AUTS2: variants seen among roughly 807,000 people sequenced by gnomAD.
The protein encoded by AUTS2 is activator of transcription and developmental regulator AUTS2, also known as autism susceptibility gene 2 protein.
In AUTS2, 17 loss-of-function variants were observed where a neutral mutation model predicts 112.4. The ratio of observed to expected loss-of-function variants is 0.15; its 90% CI spans 0.10 to 0.23. The LOEUF (loss-of-function observed/expected upper bound fraction) is 0.23, where lower values mean the gene tolerates loss of function less well. Among genes scored for constraint, AUTS2 ranks in the 10% least tolerant of loss-of-function variants. The pLI is 1.00. For synonymous variants in AUTS2, 751 were observed against 702.7 expected (o/e 1.07, Z -1.09); for missense variants, 1,510 against 1,701.6 (o/e 0.89, Z 1.98).
At chr7:70,745,517 T>C (rs1333159386) in intron 6 of AUTS2, among the ~76,000 whole-genome samples, 1 of 152,150 alleles carries the variant, frequency 6.6e-6, no homozygotes, top group Non-Finnish European at 1.5e-5. Flanking sequence ...ATTCCCAGGG[T>C]AGCAGCTGTT....
intron 4 of AUTS2, among the ~76,000 whole-genome samples, chr7:70,215,323 T>C (rs1412904370): frequency 6.6e-6 from 1 of 152,176 alleles, no homozygotes; most frequent in Non-Finnish European, 1.5e-5. Context: ...GTTGTTGTTA[T>C]AGCTGTTCAT....
At chr7:70,200,398 C>A (rs1299186025) in intron 4 of AUTS2, among the ~76,000 whole-genome samples, 1 of 3,430 alleles carries the variant, frequency 2.9e-4, no homozygotes, top group Admixed American at 2.8e-3. Flanking sequence ...CTCAATGAAT[C>A]CAGGAGCTGG....
chr7:70,266,916 G>A (rs1199018124), intron 4 of AUTS2, among the ~76,000 whole-genome samples: 1 of 152,156 alleles, frequency 6.6e-6, no homozygotes, highest in Non-Finnish European at 1.5e-5. Context: ...ACCCGCTTTG[G>A]GCCATGGCCC....
At chr7:69,807,940 C>CTTTTTT (rs34491458) in intron 1 of AUTS2, among the ~76,000 whole-genome samples, 1 of 120,446 alleles carries the variant, frequency 8.3e-6, no homozygotes, top group Non-Finnish European at 1.7e-5. Context: ...TAGGCCCAAG[C>CTTTTTT]TTTTTTTTTT....
intron 4 of AUTS2, among the ~76,000 whole-genome samples, chr7:70,410,863 A>G (rs1794747925): frequency 6.7e-6 from 1 of 149,544 alleles, no homozygotes; most frequent in Admixed American, 6.7e-5. Flanking sequence ...TATTATTATT[A>G]TTATTATTAT....
Position 70,093,094 on chromosome 7 carries a change from G to A in AUTS2, c.523-25038G>A, listed in dbSNP as rs1238091357. 2.0e-5 allele frequency among the ~76,000 whole-genome samples: 3 copies of A among 152,150 alleles called. No individual in the cohort carries two copies. In the East Asian group the frequency reaches 5.8e-4, roughly 29 times the overall value. ...CTGGAGAAACAGGCATGTCTTTGTTGTCAGAGAGCTAGAGGGAAATGAGCA... is the reference window on the plus strand; with the variant it reads ...CTGGAGAAACAGGCATGTCTTTGTTATCAGAGAGCTAGAGGGAAATGAGCA... On this transcript the variant is annotated intron_variant, in intron 2 of 18. Coordinates refer to ENST00000342771, the MANE Select transcript of AUTS2 (RefSeq NM_015570.4).
chr7:69,710,704 A>T (rs1375672179), intron 1 of AUTS2, among the ~76,000 whole-genome samples: 2 of 152,264 alleles, frequency 1.3e-5, no homozygotes, highest in Non-Finnish European at 2.9e-5. Flanking sequence ...CTTTAAGAAG[A>T]TGGCTCGACT....
chr7:69,781,144 C>T (rs1204186981), intron 1 of AUTS2, among the ~76,000 whole-genome samples: 3 of 152,274 alleles, frequency 2.0e-5, no homozygotes, highest in South Asian at 2.1e-4. Flanking sequence ...TGTTTTCTAC[C>T]GTATTAGTCC....
At chr7:70,721,938 G>A (rs77383160) in intron 6 of AUTS2, among the ~76,000 whole-genome samples, 2,672 of 152,040 alleles carry the variant, frequency 0.018, 73 homozygotes, top group African/African-American at 0.061. Flanking sequence ...TCATACCTCC[G>A]AAAGTTAGCT....
intron 5 of AUTS2, among the ~76,000 whole-genome samples, chr7:70,495,878 A>T (rs1381233448): frequency 2.1e-5 from 3 of 140,764 alleles, no homozygotes; most frequent in African/African-American, 8.4e-5. Context: ...CCACACATGC[A>T]CATGTCACAT....
chr7:70,618,405 G>A (rs1804492453), intron 5 of AUTS2, among the ~76,000 whole-genome samples: 1 of 152,120 alleles, frequency 6.6e-6, no homozygotes, highest in African/African-American at 2.4e-5. Context: ...TCCCTGGAGG[G>A]CTCGGCCTGT....
At chr7:70,485,989 AAAAT>A (rs1554409908) in intron 5 of AUTS2, among the ~76,000 whole-genome samples, 1 of 145,668 alleles carries the variant, frequency 6.9e-6, no homozygotes, top group South Asian at 2.2e-4. Context: ...CCTTAATTAA[AAAAT>A]AAATAAATAA....
At chr7:70,638,117 T>C (rs1805619490) in intron 5 of AUTS2, among the ~76,000 whole-genome samples, 1 of 152,130 alleles carries the variant, frequency 6.6e-6, no homozygotes, top group Non-Finnish European at 1.5e-5. Context: ...GGAGAACTTC[T>C]AGAGAGCCAG....
intron 1 of AUTS2, among the ~76,000 whole-genome samples, chr7:69,627,938 T>G (rs1392831840): frequency 6.6e-6 from 1 of 152,222 alleles, no homozygotes; most frequent in African/African-American, 2.4e-5. Context: ...GGTTATGTCA[T>G]TTTTGTGGGA....
intron 2 of AUTS2, among the ~76,000 whole-genome samples, chr7:69,917,789 C>T (rs1169831286): frequency 1.3e-5 from 2 of 152,058 alleles, no homozygotes; most frequent in African/African-American, 4.8e-5. Context: ...AGTCACTTCA[C>T]TTAGAATAAT....
intron 1 of AUTS2, among the ~76,000 whole-genome samples, chr7:69,836,440 C>T (rs750922661): frequency 1.1e-4 from 17 of 152,010 alleles, no homozygotes; most frequent in Non-Finnish European, 1.9e-4. Context: ...TACTATATTC[C>T]GAAGAATTCA....
At chr7:70,160,040 T>A (rs1807990687) in intron 4 of AUTS2, among the ~76,000 whole-genome samples, 1 of 152,146 alleles carries the variant, frequency 6.6e-6, no homozygotes, top group African/African-American at 2.4e-5. Context: ...TTCTACCTAA[T>A]AAAGGTATAA....
intron 5 of AUTS2, among the ~76,000 whole-genome samples, chr7:70,565,039 A>G (rs1406183830): frequency 2.6e-5 from 4 of 152,158 alleles, no homozygotes; most frequent in Non-Finnish European, 5.9e-5. Context: ...GAGAGGTTGC[A>G]GTGAGCCGAG....
chr7:69,865,972 G>T (rs558834815), intron 1 of AUTS2, among the ~76,000 whole-genome samples: 13 of 152,086 alleles, frequency 8.5e-5, no homozygotes, highest in African/African-American at 1.2e-4. Context: ...ATTCATGTTT[G>T]TAGTCTTCTC....
Sources: gnomAD v4.1 joint callset for allele counts (sites outside exome capture counted in the v4.1 genomes callset) on GRCh38, gnomAD v4.1.1 for gene constraint, MANE v1.5 for transcripts, NCBI Gene and HGNC (gene_info 2026-07-23, HGNC 2026-07-21) for gene names.